The following MARCHF6 variants were observed in gnomAD, a reference collection of about 807,000 sequenced individuals.
The protein encoded by MARCHF6 is E3 ubiquitin-protein ligase MARCHF6.
MARCHF6 carries 31 observed loss-of-function variants against 133.7 expected under a neutral mutation model. The observed-to-expected ratio is 0.23, with a 90% confidence interval of 0.17 to 0.31. The LOEUF is 0.31. Among genes scored for constraint, MARCHF6 ranks in the 10% least tolerant of loss-of-function variants. MARCHF6 has a pLI of 1.00. For synonymous variants in MARCHF6, 395 were observed against 402.5 expected, an observed-to-expected ratio of 0.98 and a Z score of 0.22; for missense variants, 723 against 1,121.6, an observed-to-expected ratio of 0.64 and a Z score of 5.08.
intron 17 of MARCHF6, among the ~76,000 whole-genome samples, chr5:10,407,693 C>G (rs915741887): frequency 2.0e-5 from 3 of 152,168 alleles, no homozygotes; most frequent in Admixed American, 2.0e-4. Flanking sequence ...GTGGCTCACG[C>G]CTGTAATCCC....
intron 4 of MARCHF6, among the ~76,000 whole-genome samples, chr5:10,383,719 T>G (rs1194863159): frequency 6.6e-6 from 1 of 152,156 alleles, no homozygotes; most frequent in South Asian, 2.1e-4. Flanking sequence ...GAGCAAGGAA[T>G]CAGAGAGAAA....
intron 10 of MARCHF6, among the ~76,000 whole-genome samples, chr5:10,400,046 T>C (rs945899589): frequency 6.6e-6 from 1 of 152,188 alleles, no homozygotes; most frequent in Non-Finnish European, 1.5e-5. Context: ...ACTGTGCCTA[T>C]TAATAGTATA....
chr5:10,375,525 A>G (rs533238307), intron 1 of MARCHF6, among the ~76,000 whole-genome samples: 5 of 152,316 alleles, frequency 3.3e-5, no homozygotes, highest in Admixed American at 2.6e-4. Context: ...TCGACCACCC[A>G]AGGGCTGAGG....
chr5:10,423,000 CTT>C (rs879722632), intron 22 of MARCHF6, among the ~76,000 whole-genome samples: 10 of 135,552 alleles, frequency 7.4e-5, no homozygotes, highest in African/African-American at 1.4e-4. Flanking sequence ...CATGTGGTTT[CTT>C]TTTTTTTTTT....
At chr5:10,395,944 T>C (rs1384137861) in intron 9 of MARCHF6, among the ~76,000 whole-genome samples, 3 of 152,190 alleles carry the variant, frequency 2.0e-5, no homozygotes, top group African/African-American at 4.8e-5. Flanking sequence ...ACAGTCAGTA[T>C]AGAAAGCATT....
At chr5:10,371,216 T>A (rs1360384498) in intron 1 of MARCHF6, among the ~76,000 whole-genome samples, 1 of 152,188 alleles carries the variant, frequency 6.6e-6, no homozygotes, top group Non-Finnish European at 1.5e-5. Context: ...TTGTGTGGCC[T>A]TAGATGTGTT....
intron 24 of MARCHF6, among the ~76,000 whole-genome samples, chr5:10,429,395 C>CTTTT (rs571345405): frequency 7.4e-6 from 1 of 134,590 alleles, no homozygotes; most frequent in Non-Finnish European, 1.6e-5. Context: ...CGTCCAGTTC[C>CTTTT]TTTTTTTTTT....
chr5:10,425,743 C>T (rs779008090), intron 23 of MARCHF6, among the ~76,000 whole-genome samples: 14 of 152,204 alleles, frequency 9.2e-5, no homozygotes, highest in Non-Finnish European at 1.9e-4. Flanking sequence ...TTTCTGTCTG[C>T]ACTCCATCTA....
chr5:10,426,396 G>A lies in MARCHF6; in HGVS notation c.2380G>A (p.Ala794Thr), dbSNP rs775879229. The A allele has an allele frequency of 2.7e-5, 44 of 1,612,944 alleles. No homozygotes were observed. The highest frequency in any genetic ancestry group is 3.4e-5 in the Non-Finnish European group (40 of 1,179,608). ...WLKTVIEQVY[A>T]NGIRNIDLHY... ...GCTTTTTGTAATGTTTCAGGTTTAC[G>A]CAAATGGCATCCGGAACATTGACCT... The change falls in exon 24 of 26, where the codon GCA becomes ACA. Residue 794 changes from alanine to threonine, a missense_variant. Around this residue, in one of 4 missense-constraint regions of MARCHF6, gnomAD observed 492 missense variants for 699.5 expected, o/e 0.70. Coordinates refer to ENST00000274140, the MANE Select transcript of MARCHF6 (RefSeq NM_005885.4).
At chr5:10,425,068 T>C (rs1579618988) in intron 23 of MARCHF6, among the ~76,000 whole-genome samples, 1 of 152,194 alleles carries the variant, frequency 6.6e-6, no homozygotes, top group East Asian at 1.9e-4. Flanking sequence ...GACATAACAG[T>C]TCTGCAGCAG....
intron 9 of MARCHF6, among the ~76,000 whole-genome samples, chr5:10,397,011 T>A (rs539825623): frequency 1.2e-4 from 18 of 152,368 alleles, no homozygotes; most frequent in Non-Finnish European, 2.4e-4. Context: ...TGAAAATCTA[T>A]GTAATTTGTC....
In MARCHF6 at chr5:10,383,046, G is replaced by T. The variant is rs1214528302; in HGVS notation, c.334+1103G>T. 3.3e-5 allele frequency among the ~76,000 whole-genome samples: 5 copies of T among 152,204 alleles called. No homozygotes were observed. The East Asian group carries it at 9.6e-4, about 29-fold the overall frequency. Reference sequence around the variant, plus strand: ...CAGAGTATATAGATAAGATTCATTAGAGTTAAACTAAATGTTTAATTAGTA... The same window carrying T: ...CAGAGTATATAGATAAGATTCATTATAGTTAAACTAAATGTTTAATTAGTA... On this transcript the variant is annotated intron_variant, in intron 4 of 25. Coordinates refer to ENST00000274140, the MANE Select transcript of MARCHF6 (RefSeq NM_005885.4).
At chr5:10,366,446 C>T (rs1253381504) in intron 1 of MARCHF6, among the ~76,000 whole-genome samples, 1 of 152,178 alleles carries the variant, frequency 6.6e-6, no homozygotes, top group African/African-American at 2.4e-5. Context: ...GCCAGATGAA[C>T]AAGGTCAACA....
chr5:10,411,715 A>T (rs1244471678), intron 19 of MARCHF6, among the ~76,000 whole-genome samples, 178 bp downstream of exon 19: 2 of 152,230 alleles, frequency 1.3e-5, no homozygotes, highest in South Asian at 4.1e-4. Flanking sequence ...TTTAGAGATA[A>T]GTCAAAGAGT....
At chr5:10,423,855 T>G in intron 23 of MARCHF6, 31 bp downstream of exon 23, 1 of 1,508,690 alleles carries the variant, frequency 6.6e-7, no homozygotes, top group Non-Finnish European at 9.2e-7. Context: ...GAGAAAGACA[T>G]TCTGGAATTG....
chr5:10,387,394 C>T (rs760462443), intron 5 of MARCHF6, among the ~76,000 whole-genome samples: 12 of 151,812 alleles, frequency 7.9e-5, no homozygotes, highest in Non-Finnish European at 1.3e-4. Flanking sequence ...CCTCCGCCTC[C>T]TGAGTTCAAG....
At chr5:10,363,265 G>A (rs1561095775) in intron 1 of MARCHF6, among the ~76,000 whole-genome samples, 3 of 152,160 alleles carry the variant, frequency 2.0e-5, no homozygotes, top group Non-Finnish European at 4.4e-5. Flanking sequence ...TACAGAAGAT[G>A]TATCTTATAA....
intron 17 of MARCHF6, among the ~76,000 whole-genome samples, chr5:10,409,209 A>G (rs904380675): frequency 1.3e-4 from 20 of 152,224 alleles, no homozygotes; most frequent in African/African-American, 4.8e-4. Flanking sequence ...TCAAATTTGT[A>G]TTTTATTAAA....
At chr5:10,392,216 A>C (rs150255375) in intron 7 of MARCHF6, among the ~76,000 whole-genome samples, 19 of 152,280 alleles carry the variant, frequency 1.2e-4, no homozygotes, top group Non-Finnish European at 2.4e-4. Flanking sequence ...CTCGGCCTCC[A>C]AAGTGCTGGG....
Sources: gnomAD v4.1 joint callset for allele counts (sites outside exome capture counted in the v4.1 genomes callset) on GRCh38, gnomAD v4.1.1 for gene constraint, gnomAD v4.1.1 regional missense constraint, MANE v1.5 for transcripts, NCBI Gene and HGNC (gene_info 2026-07-23, HGNC 2026-07-21) for gene names.